SEC63: variants seen among roughly 807,000 people sequenced by gnomAD.
SEC63 encodes translocation protein SEC63 homolog.
Under a neutral mutation model 116.2 loss-of-function variants are expected in SEC63, and 56 were observed. That is an observed-to-expected ratio of 0.48 (90% CI 0.39 to 0.60). The LOEUF is 0.60. SEC63 is among the 20% of genes least tolerant of loss of function. SEC63 has a pLI of 0.00. For missense variants in SEC63, 668 were observed against 900.0 expected, an observed-to-expected ratio of 0.74 and a Z score of 3.30; for synonymous variants, 273 against 294.6, an observed-to-expected ratio of 0.93 and a Z score of 0.75.
chr6:107,925,730 T>A (rs1387092775), intron 2 of SEC63, among the ~76,000 whole-genome samples: 1 of 152,256 alleles, frequency 6.6e-6, no homozygotes, highest in African/African-American at 2.4e-5. Flanking sequence ...ACATACCGTT[T>A]TTCTATCAAA....
intron 1 of SEC63, among the ~76,000 whole-genome samples, chr6:107,931,126 G>C (rs184595707): frequency 6.6e-6 from 1 of 151,798 alleles, no homozygotes; most frequent in African/African-American, 2.4e-5. Flanking sequence ...TCAGGAATTC[G>C]AGACCAGCCA....
chr6:107,941,430 G>A (rs1306372001), intron 1 of SEC63, among the ~76,000 whole-genome samples: 2 of 151,556 alleles, frequency 1.3e-5, no homozygotes, highest in African/African-American at 4.9e-5. Context: ...TTGAGCCCAG[G>A]AGATCCAGGC....
At chr6:107,943,573 T>C (rs1356080448) in intron 1 of SEC63, among the ~76,000 whole-genome samples, 1 of 152,232 alleles carries the variant, frequency 6.6e-6, no homozygotes, top group Non-Finnish European at 1.5e-5. Flanking sequence ...GTTGAAGGGT[T>C]CTTTTGAGAG....
rs553115997 is a variant in SEC63, at chr6:107,897,743, G to A, written c.1358-12C>T. The stretch of plus-strand genomic sequence containing the variant: ...TTCATCATCTAACACTGTTAAGATG[G>A]AAGAAAAAAAACAGCAAAAAATAAA... On this transcript the variant is annotated splice_polypyrimidine_tract_variant and intron_variant, in intron 13 of 20. Transcript: ENST00000369002. 4.5e-6 allele frequency: 7 copies of A among 1,560,460 alleles called. No individual in the cohort carries two copies. Among genetic ancestry groups the A allele is most frequent in the African/African-American group, 1.4e-5 (1 of 73,768 alleles).
Position 107,897,630 on chromosome 6 carries a change from A to G in SEC63, c.1440+19T>C. 1 of 1,481,216 alleles carries G rather than the reference A, an allele frequency of 6.8e-7. No individual in the cohort carries two copies. The highest frequency in any genetic ancestry group is 9.4e-7 in the Non-Finnish European group (1 of 1,059,226). 91.8% of individuals were successfully genotyped at this position (1,481,216 alleles called of 1,614,324 possible). ...GACACACAACTCTTAAAGCATAAAA[A>G]TACAGATAGACTACTTACAGCCATT... On this transcript the variant is annotated intron_variant, in intron 14 of 20. Transcript: ENST00000369002.
chr6:107,929,450 T>G lies in SEC63; in HGVS notation c.189A>C (p.Leu63Phe), dbSNP rs765891623. 2 of 1,599,838 alleles carry G rather than the reference T, an allele frequency of 1.3e-6. No homozygotes were observed. Among genetic ancestry groups the G allele is most frequent in the Admixed American group, 3.3e-5 (2 of 59,982 alleles). The part of the protein sequence containing the change: ...YGRCMWYRLR[L>F]LKPQPNIIPT... The stretch of plus-strand genomic sequence containing the variant: ...GAATAATATTTGGCTGGGGTTTTAA[T>G]AACCGTAAACGATACCACATACACC... The change falls in exon 2 of 21, where the codon TTA becomes TTC. Residue 63 changes from leucine (L) to phenylalanine (F), a missense_variant. Physicochemically the swap from Leu to Phe is conservative, Grantham distance 22. This residue lies in a region of SEC63 where 142 missense variants were observed against 169.5 expected (regional missense o/e 0.84). Coordinates refer to ENST00000369002, the MANE Select transcript of SEC63 (RefSeq NM_007214.5).
intron 14 of SEC63, among the ~76,000 whole-genome samples, chr6:107,894,184 A>C (rs1264210369): frequency 1.3e-5 from 2 of 152,200 alleles, no homozygotes; most frequent in Non-Finnish European, 2.9e-5. Context: ...TTAAAATTTC[A>C]CTTTTATTCT....
Position 107,870,615 on chromosome 6 carries a change from T to A in SEC63, c.*1089A>T, listed in dbSNP as rs754683735. 2 of 152,140 alleles carry A rather than the reference T, an allele frequency of 1.3e-5. No homozygotes were observed. The highest frequency in any genetic ancestry group is 2.4e-5 in the African/African-American group (1 of 41,428). 9.4% of individuals were successfully genotyped at this position (152,140 alleles called of 1,614,324 possible). On this transcript the variant is annotated 3_prime_UTR_variant, in exon 21 of 21. Transcript: ENST00000369002. ...CAGTTGTACTATGAGGGGAAATCCC[T>A]CTCACTCCTGGGTTTTTCTACAGTA...
intron 12 of SEC63, among the ~76,000 whole-genome samples, chr6:107,901,982 ATT>A (rs913228685): frequency 2.0e-5 from 3 of 152,098 alleles, no homozygotes; most frequent in Non-Finnish European, 4.4e-5. Context: ...CAATATTCTC[ATT>A]TTTGTTATTC....
At chr6:107,873,443 A>G (rs1446988099) in intron 19 of SEC63, among the ~76,000 whole-genome samples, 2 of 152,210 alleles carry the variant, frequency 1.3e-5, no homozygotes, top group Non-Finnish European at 1.5e-5. Context: ...AATTTTTTAA[A>G]AATGACATTT....
At chr6:107,933,098 T>C (rs1787849390) in intron 1 of SEC63, among the ~76,000 whole-genome samples, 1 of 152,006 alleles carries the variant, frequency 6.6e-6, no homozygotes, top group Admixed American at 6.6e-5. Context: ...CAAAGACAGA[T>C]GGTAATGTGA....
At chr6:107,913,849 T>C (rs1331162251) in intron 4 of SEC63, among the ~76,000 whole-genome samples, 1 of 152,214 alleles carries the variant, frequency 6.6e-6, no homozygotes, top group South Asian at 2.1e-4. Flanking sequence ...TAAATACACA[T>C]TTTTTAAAAA....
At chr6:107,947,639 C>G (rs1035527767) in intron 1 of SEC63, among the ~76,000 whole-genome samples, 5 of 152,194 alleles carry the variant, frequency 3.3e-5, no homozygotes, top group Non-Finnish European at 7.3e-5. Flanking sequence ...GGGCCAATCA[C>G]CAAAAGCTTT....
chr6:107,929,659 A>T, intron 1 of SEC63, 145 bp from the exon 2 acceptor site: 1 of 610,836 alleles, frequency 1.6e-6, no homozygotes, highest in South Asian at 1.9e-5. Context: ...GCCTTTAAAA[A>T]ACTTACAAGA....
At chr6:107,949,650 G>A (rs1196346271) in intron 1 of SEC63, among the ~76,000 whole-genome samples, 1 of 152,116 alleles carries the variant, frequency 6.6e-6, no homozygotes, top group East Asian at 1.9e-4. Flanking sequence ...TTTTGTGTGT[G>A]ACAGGGTCTC....
chr6:107,911,761 T>G (rs1260268747), intron 6 of SEC63, among the ~76,000 whole-genome samples: 1 of 152,212 alleles, frequency 6.6e-6, no homozygotes, highest in African/African-American at 2.4e-5. Flanking sequence ...CAAAACAGTT[T>G]TGTAAATTAC....
chr6:107,888,181 G>A (rs541188962), intron 16 of SEC63, among the ~76,000 whole-genome samples: 1 of 152,164 alleles, frequency 6.6e-6, no homozygotes, highest in Non-Finnish European at 1.5e-5. Flanking sequence ...AATTACTTTG[G>A]GGAGTGTGGC....
At chr6:107,876,689 A>AAAAG in intron 18 of SEC63, 27 bp from the exon 19 acceptor site, 1 of 1,387,886 alleles carries the variant, frequency 7.2e-7, no homozygotes, top group Non-Finnish European at 1.0e-6. Context: ...AAAAAAAAAA[A>AAAAG]GAAGAGGGGT....
chr6:107,872,992 A>AT, intron 19 of SEC63, 80 bp from the exon 20 acceptor site: 1 of 861,784 alleles, frequency 1.2e-6, no homozygotes, highest in South Asian at 1.4e-5. Flanking sequence ...AGACCACAGT[A>AT]TTTAACAGCC....
Sources: gnomAD v4.1 joint callset for allele counts (sites outside exome capture counted in the v4.1 genomes callset) on GRCh38, gnomAD v4.1.1 for gene constraint, gnomAD v4.1.1 regional missense constraint, MANE v1.5 for transcripts, NCBI Gene and HGNC (gene_info 2026-07-23, HGNC 2026-07-21) for gene names.